Variants in SH3GL2 observed in about 807,000 individuals in gnomAD.
SH3GL2 encodes SH3 domain containing GRB2 like 2, endophilin A1, also known as endophilin-A1.
A neutral mutation model predicts 46.0 loss-of-function variants in SH3GL2; 24 were observed. That is an observed-to-expected ratio of 0.52 (90% confidence interval 0.38 to 0.73). The LOEUF (loss-of-function observed/expected upper bound fraction) is 0.73. Among genes scored for constraint, SH3GL2 ranks in the 30% least tolerant of loss-of-function variants. The pLI is 0.00. For synonymous variants in SH3GL2, 196 were observed against 147.1 expected (o/e 1.33, Z -2.40); for missense variants, 413 against 424.2 (o/e 0.97, Z 0.23).
intron 1 of SH3GL2, among the ~76,000 whole-genome samples, chr9:17,644,172 T>C (rs1414613786): frequency 6.6e-6 from 1 of 152,204 alleles, no homozygotes; most frequent in African/African-American, 2.4e-5. Context: ...GTGGGGTCAG[T>C]GGTGGTATCC....
chr9:17,771,109 T>C (rs1315369916), intron 3 of SH3GL2, among the ~76,000 whole-genome samples: 1 of 152,176 alleles, frequency 6.6e-6, no homozygotes, highest in East Asian at 1.9e-4. Context: ...CAGCCAGAGC[T>C]CCTATTTCAA....
chr9:17,640,781 G>C (rs551288440), intron 1 of SH3GL2, among the ~76,000 whole-genome samples: 10 of 152,166 alleles, frequency 6.6e-5, no homozygotes, highest in Non-Finnish European at 1.3e-4. Flanking sequence ...TACTTACTAT[G>C]TCCTTGAAAT....
chr9:17,706,315 A>G (rs1821472578), intron 1 of SH3GL2, among the ~76,000 whole-genome samples: 1 of 151,972 alleles, frequency 6.6e-6, no homozygotes, highest in South Asian at 2.1e-4. Flanking sequence ...TGTGTGTTGA[A>G]GTTTTGAATA....
intron 1 of SH3GL2, among the ~76,000 whole-genome samples, chr9:17,741,140 T>G (rs953440047): frequency 1.3e-5 from 2 of 152,200 alleles, no homozygotes; most frequent in African/African-American, 4.8e-5. Context: ...TTAAAACCTA[T>G]GCATACTTAA....
intron 1 of SH3GL2, among the ~76,000 whole-genome samples, chr9:17,609,304 G>C (rs2145659): frequency 2.0e-5 from 3 of 151,812 alleles, no homozygotes; most frequent in South Asian, 2.1e-4. Context: ...ATATTTTGCA[G>C]AGAAAGTTTG....
In SH3GL2 at chr9:17,789,419, C is replaced by T. The variant is rs1180303494; in HGVS notation, c.493C>T (p.Arg165Cys). 2.5e-6 allele frequency: 4 copies of T among 1,613,352 alleles called. No individual in the cohort carries two copies. Among genetic ancestry groups the T allele is most frequent in the South Asian group, 1.1e-5 (1 of 91,066 alleles). Residue 165 changes from arginine to cysteine, a missense_variant, in exon 6 of 9, where the codon CGC becomes TGC. This residue lies in a region of SH3GL2 where 5 missense variants were observed against 16.8 expected (regional missense o/e 0.30). Transcript: ENST00000380607. ...QHHLKKLEGR[R>C]LDFDYKKKRQ... ...TCATCTAAAGAAGTTGGAGGGTCGA[C>T]GCCTGGATTTTGATTATAAGAAGAA...
chr9:17,713,702 C>A (rs1462205758), intron 1 of SH3GL2, among the ~76,000 whole-genome samples: 1 of 151,498 alleles, frequency 6.6e-6, no homozygotes, highest in Non-Finnish European at 1.5e-5. Context: ...CAGAGATCTG[C>A]TTTTTTATTT....
At chr9:17,784,306 T>A (rs1222569912) in intron 3 of SH3GL2, among the ~76,000 whole-genome samples, 2 of 152,172 alleles carry the variant, frequency 1.3e-5, no homozygotes, top group African/African-American at 4.8e-5. Flanking sequence ...TTAGAATTAC[T>A]TACCTGGAGA....
chr9:17,645,062 C>T (rs1395429313), intron 1 of SH3GL2, among the ~76,000 whole-genome samples: 6 of 150,768 alleles, frequency 4.0e-5, no homozygotes, highest in African/African-American at 1.2e-4. Context: ...GCATTGATTC[C>T]TTTACCATTA....
At chr9:17,715,505 T>G (rs575937767) in intron 1 of SH3GL2, among the ~76,000 whole-genome samples, 6 of 151,964 alleles carry the variant, frequency 3.9e-5, no homozygotes, top group Non-Finnish European at 8.8e-5. Flanking sequence ...TCTTTCTTTT[T>G]TTGATTCATT....
At chr9:17,754,018 A>G (rs1034788893) in intron 2 of SH3GL2, among the ~76,000 whole-genome samples, 2 of 152,072 alleles carry the variant, frequency 1.3e-5, no homozygotes, top group African/African-American at 4.8e-5. Context: ...TGAGATCTCT[A>G]TTCTATTCTG....
chr9:17,687,558 A>T (rs1296500831), intron 1 of SH3GL2, among the ~76,000 whole-genome samples: 1 of 152,136 alleles, frequency 6.6e-6, no homozygotes, highest in Non-Finnish European at 1.5e-5. Flanking sequence ...GAGTTAAAAA[A>T]GCATGTTCTT....
chr9:17,612,454 A>C (rs542709155), intron 1 of SH3GL2, among the ~76,000 whole-genome samples: 2 of 152,322 alleles, frequency 1.3e-5, no homozygotes, highest in East Asian at 3.9e-4. Context: ...ATTGCTCTTA[A>C]TCAAGGTTGT....
At chr9:17,632,384 A>G (rs1819448710) in intron 1 of SH3GL2, among the ~76,000 whole-genome samples, 1 of 152,100 alleles carries the variant, frequency 6.6e-6, no homozygotes, top group Admixed American at 6.5e-5. Context: ...AACTACAGTA[A>G]TTATTTTGAT....
rs550109856 is a variant in SH3GL2 at position 17,606,297 on chromosome 9, C to T, written c.45+27010C>T. On this transcript the variant is annotated intron_variant, in intron 1 of 8. Coordinates refer to ENST00000380607, the MANE Select transcript of SH3GL2 (RefSeq NM_003026.5). ...TAATAGAGACGAGGTTTCACCATCT[C>T]GGTCAGGCTGGTCTTGAACTCCTGA... Among the ~76,000 whole-genome samples the T allele has an allele frequency of 5.9e-5, 9 of 152,192 alleles. 1 individual carries two copies. In the East Asian group the frequency reaches 9.7e-4, roughly 16 times the overall value.
intron 1 of SH3GL2, among the ~76,000 whole-genome samples, chr9:17,632,202 A>G (rs1376701816): frequency 6.6e-6 from 1 of 152,190 alleles, no homozygotes; most frequent in Non-Finnish European, 1.5e-5. Flanking sequence ...AAATCTTAGT[A>G]CCAAAAAAAT....
chr9:17,790,323 G>A, intron 6 of SH3GL2: 2 of 383,658 alleles, frequency 5.2e-6, no homozygotes, highest in Non-Finnish European at 7.1e-6. Flanking sequence ...CAGAAATAAT[G>A]CTTTACCAGC....
At chr9:17,648,077 T>C (rs1436995499) in intron 1 of SH3GL2, among the ~76,000 whole-genome samples, 1 of 152,236 alleles carries the variant, frequency 6.6e-6, no homozygotes, top group Non-Finnish European at 1.5e-5. Context: ...ATACAGTATA[T>C]AATACATATA....
intron 1 of SH3GL2, among the ~76,000 whole-genome samples, chr9:17,741,098 G>T (rs1475206907): frequency 6.6e-6 from 1 of 152,054 alleles, no homozygotes; most frequent in Non-Finnish European, 1.5e-5. Context: ...TGCAGATTAG[G>T]CAGGATAATT....
Sources: allele counts gnomAD v4.1 joint callset (sites outside exome capture counted in the v4.1 genomes callset), GRCh38; gene constraint gnomAD v4.1.1; regional missense constraint gnomAD v4.1.1; transcripts MANE v1.5; gene names NCBI Gene and HGNC (gene_info 2026-07-23, HGNC 2026-07-21).